Variants in AKIRIN2 observed in about 807,000 individuals in gnomAD.
AKIRIN2 encodes akirin-2.
A neutral mutation model predicts 29.3 loss-of-function variants in AKIRIN2; 6 were observed. The ratio of observed to expected loss-of-function variants is 0.20; its 90% CI spans 0.11 to 0.40. AKIRIN2 has a LOEUF of 0.40. AKIRIN2 is among the 10% of genes least tolerant of loss of function. The pLI, the probability that AKIRIN2 is intolerant of heterozygous loss-of-function variation, is 1.00. For missense variants in AKIRIN2, 210 were observed against 276.1 expected, an observed-to-expected ratio of 0.76 and a Z score of 1.70; for synonymous variants, 128 against 117.5, an observed-to-expected ratio of 1.09 and a Z score of -0.58.
chr6:87,678,115 TAAAAC>T, intron 2 of AKIRIN2, 148 bp from the exon 3 acceptor site: 6 of 683,114 alleles, frequency 8.8e-6, no homozygotes, highest in Non-Finnish European at 1.3e-5. Flanking sequence ...TCACAAGTCT[TAAAAC>T]AACCAAAATA....
At chr6:87,692,629 T>A (rs1435577006) in intron 1 of AKIRIN2, among the ~76,000 whole-genome samples, 3 of 151,764 alleles carry the variant, frequency 2.0e-5, no homozygotes, top group Non-Finnish European at 4.4e-5. Flanking sequence ...TTGGCCAACA[T>A]GGCAAAACCC....
intron 1 of AKIRIN2, among the ~76,000 whole-genome samples, chr6:87,696,207 A>G (rs1771359277): frequency 6.6e-6 from 1 of 152,076 alleles, no homozygotes; most frequent in South Asian, 2.1e-4. Context: ...CCCGATTAGT[A>G]TGTACTACAT....
chr6:87,701,431 C>T lies in AKIRIN2; in HGVS notation c.235+19G>A. 6.5e-7 allele frequency: 1 copy of T among 1,531,004 alleles called. No individual in the cohort carries two copies. The highest frequency in any genetic ancestry group is 8.8e-7 in the Non-Finnish European group (1 of 1,141,168). 94.8% of individuals were successfully genotyped at this position (1,531,004 alleles called of 1,614,324 possible). On this transcript the variant is annotated intron_variant, in intron 1 of 4. Transcript: ENST00000257787. ...CCAGTTCTCTCCACTACCCCGGCGG[C>T]CGCGGGGCCGGGTCCCACCTGTGGT... is the stretch of plus-strand genomic sequence containing the variant.
At chr6:87,698,548 G>C (rs1195120879) in intron 1 of AKIRIN2, among the ~76,000 whole-genome samples, 1 of 152,054 alleles carries the variant, frequency 6.6e-6, no homozygotes, top group African/African-American at 2.4e-5. Context: ...ACAAAAATAT[G>C]GCTATACTTT....
chr6:87,679,263 G>A (rs1006625468), intron 2 of AKIRIN2, among the ~76,000 whole-genome samples: 2 of 152,106 alleles, frequency 1.3e-5, no homozygotes, highest in Non-Finnish European at 2.9e-5. Flanking sequence ...TTGTGTGGTG[G>A]CTCATACCTG....
intron 1 of AKIRIN2, among the ~76,000 whole-genome samples, chr6:87,682,064 C>G (rs975804470): frequency 1.3e-5 from 2 of 152,214 alleles, no homozygotes; most frequent in African/African-American, 4.8e-5. Context: ...CTATTTTACT[C>G]AGATTCTTAA....
chr6:87,687,439 C>CAAAAAAAAAAAAAAAAAAAAAAAA (rs201472497), intron 1 of AKIRIN2, among the ~76,000 whole-genome samples: 1 of 109,156 alleles, frequency 9.2e-6, no homozygotes, highest in Non-Finnish European at 1.9e-5. Flanking sequence ...AATTCCGTTT[C>CAAAAAAAAAAAAAAAAAAAAAAAA]AAAAAAAAAA....
intron 3 of AKIRIN2, among the ~76,000 whole-genome samples, chr6:87,676,470 A>AAAAAAAG: frequency 9.1e-6 from 1 of 110,026 alleles, no homozygotes; most frequent in Non-Finnish European, 1.9e-5. Context: ...AAAAAAAAAA[A>AAAAAAAG]ACGAGGCCGG....
intron 1 of AKIRIN2, among the ~76,000 whole-genome samples, chr6:87,689,659 A>G (rs1362456860): frequency 6.6e-6 from 1 of 152,188 alleles, no homozygotes; most frequent in Non-Finnish European, 1.5e-5. Flanking sequence ...ACACAGCAAA[A>G]CTCAGCTGAA....
At chr6:87,692,641 G>C (rs1771294260) in intron 1 of AKIRIN2, among the ~76,000 whole-genome samples, 1 of 151,954 alleles carries the variant, frequency 6.6e-6, no homozygotes, top group African/African-American at 2.4e-5. Context: ...GCAAAACCCT[G>C]TCTCTACTAA....
At position 87,675,444 on chromosome 6, in the gene AKIRIN2, A is replaced by G; in HGVS notation, c.*153T>C. ...TGACATCAGGGAAATTTCCAAAACC[A>G]GTTGCTGCTGCCTAAGAGTGGTTGC... On this transcript the variant is annotated 3_prime_UTR_variant, in exon 5 of 5. Transcript: ENST00000257787. 3 of 1,041,730 alleles carry G rather than the reference A, an allele frequency of 2.9e-6. No homozygotes were observed. The highest frequency in any genetic ancestry group is 3.2e-5 in the African/African-American group (2 of 62,470). The allele number at this position is 1,041,730 out of a possible 1,614,324, so 64.5% of individuals were successfully genotyped here.
At chr6:87,696,192 A>G (rs1771358048) in intron 1 of AKIRIN2, among the ~76,000 whole-genome samples, 1 of 152,016 alleles carries the variant, frequency 6.6e-6, no homozygotes, top group Non-Finnish European at 1.5e-5. Context: ...AAAACAAAAC[A>G]AAGACCCGAT....
chr6:87,682,961 C>T (rs1469893761), intron 1 of AKIRIN2, among the ~76,000 whole-genome samples: 1 of 152,064 alleles, frequency 6.6e-6, no homozygotes, highest in African/African-American at 2.4e-5. Context: ...GATTTACATA[C>T]AATAATTCTT....
chr6:87,676,596 A>AACACACACACACACACACACACACAC lies in AKIRIN2; in HGVS notation c.530-691_530-666dup, dbSNP rs112353955. Among the ~76,000 whole-genome samples the AACACACACACACACACACACACACAC allele has an allele frequency of 9.1e-4, 130 of 142,142 alleles. 1 individual carries two copies. The highest frequency in any genetic ancestry group is 1.8e-3 in the South Asian group (8 of 4,418). The allele number at this position is 142,142 out of a possible 152,430, so 93.3% of individuals were successfully genotyped here. ...ATGGTGAAACCCCGTCTCTACTAAAAACACACACACACACACACACACACA... is the reference window on the plus strand; with the variant it reads ...ATGGTGAAACCCCGTCTCTACTAAAAACACACACACACACACACACACACACACACACACACACACACACACACACA... On this transcript the variant is annotated intron_variant, in intron 3 of 4. Coordinates refer to ENST00000257787, the MANE Select transcript of AKIRIN2 (RefSeq NM_018064.4).
Position 87,701,658 on chromosome 6 carries a change from C to T in AKIRIN2, c.27G>A (p.Arg9=). The T allele has an allele frequency of 6.8e-7, 1 of 1,468,220 alleles. No homozygotes were observed. The highest frequency in any genetic ancestry group is 9.0e-7 in the Non-Finnish European group (1 of 1,114,176). 90.9% of individuals were successfully genotyped at this position (1,468,220 alleles called of 1,614,324 possible). The part of the protein sequence containing the change: MACGATLK[R]TLDFDPLLSP... ...TCAACAGCGGGTCGAAATCCAGAGT[C>T]CTTTTCAGAGTGGCTCCGCACGCCA... is the stretch of plus-strand genomic sequence containing the variant. Residue 9 remains arginine (R), a synonymous_variant, in exon 1 of 5, where the codon AGG becomes AGA. Coordinates refer to ENST00000257787, the MANE Select transcript of AKIRIN2 (RefSeq NM_018064.4).
chr6:87,688,457 A>T (rs1383396469), intron 1 of AKIRIN2, among the ~76,000 whole-genome samples: 1 of 152,056 alleles, frequency 6.6e-6, no homozygotes, highest in Non-Finnish European at 1.5e-5. Flanking sequence ...AAAATAAAAA[A>T]AAAAAATGCC....
intron 3 of AKIRIN2, among the ~76,000 whole-genome samples, chr6:87,676,261 G>A (rs544907272): frequency 1.4e-4 from 19 of 139,064 alleles, no homozygotes; most frequent in South Asian, 7.0e-4. Context: ...TCAGAAGATC[G>A]AGACCATCCT....
At chr6:87,691,722 A>C (rs554216185) in intron 1 of AKIRIN2, among the ~76,000 whole-genome samples, 30 of 152,336 alleles carry the variant, frequency 2.0e-4, no homozygotes, top group African/African-American at 7.2e-4. Flanking sequence ...TCAAAAAGAA[A>C]GGAGTGTGCC....
intron 1 of AKIRIN2, among the ~76,000 whole-genome samples, chr6:87,700,276 A>AC (rs66686208): frequency 0.031 from 4,780 of 151,906 alleles, 104 homozygotes; most frequent in Middle Eastern, 0.061. Context: ...ACAAAAAAAA[A>AC]AAAACACTAA....
Sources: allele counts gnomAD v4.1 joint callset (sites outside exome capture counted in the v4.1 genomes callset), GRCh38; gene constraint gnomAD v4.1.1; transcripts MANE v1.5; gene names NCBI Gene and HGNC (gene_info 2026-07-23, HGNC 2026-07-21).